XPOT: variants seen among roughly 807,000 people sequenced by gnomAD.
XPOT encodes exportin for tRNA.
A neutral mutation model predicts 128.2 loss-of-function variants in XPOT; 34 were observed. That is an observed-to-expected ratio of 0.27 (90% confidence interval 0.20 to 0.35). The LOEUF is 0.35. XPOT is among the 10% of genes least tolerant of loss of function. The pLI is 1.00. For synonymous variants in XPOT, 348 were observed against 394.3 expected, an observed-to-expected ratio of 0.88 and a Z score of 1.39; for missense variants, 838 against 1,125.3, an observed-to-expected ratio of 0.74 and a Z score of 3.65.
At chr12:64,447,002 C>T (rs185145242) in intron 24 of XPOT, among the ~76,000 whole-genome samples, 16 of 152,308 alleles carry the variant, frequency 1.1e-4, no homozygotes, top group Non-Finnish European at 1.8e-4. Flanking sequence ...GGGGAGGCTT[C>T]ACAATCATGT....
intron 24 of XPOT, among the ~76,000 whole-genome samples, chr12:64,445,788 G>A (rs1016030740): frequency 3.9e-5 from 6 of 152,204 alleles, no homozygotes; most frequent in African/African-American, 1.4e-4. Flanking sequence ...TAAAGTTACA[G>A]TGTGACAAGG....
intron 9 of XPOT, among the ~76,000 whole-genome samples, chr12:64,421,789 T>C (rs2040141727): frequency 6.6e-6 from 1 of 152,156 alleles, no homozygotes; most frequent in Non-Finnish European, 1.5e-5. Context: ...AATTTACATA[T>C]ACATCATTCA....
chr12:64,421,717 T>C (rs1300471370), intron 9 of XPOT, among the ~76,000 whole-genome samples: 2 of 152,072 alleles, frequency 1.3e-5, no homozygotes, highest in East Asian at 3.8e-4. Context: ...TTTTTTTTTA[T>C]TTTGAACCTG....
intron 1 of XPOT, among the ~76,000 whole-genome samples, chr12:64,406,149 C>T (rs567881307): frequency 6.6e-6 from 1 of 152,234 alleles, no homozygotes; most frequent in African/African-American, 2.4e-5. Context: ...GATCTCCGCT[C>T]ACTGCAACCT....
At chr12:64,439,222 G>T (rs371112779) in intron 22 of XPOT, 22 bp from the exon 23 acceptor site, 1 of 1,609,328 alleles carries the variant, frequency 6.2e-7, no homozygotes, top group Non-Finnish European at 8.5e-7. Flanking sequence ...GAAAATAGTT[G>T]TAAGTATCTT....
chr12:64,445,167 T>C, intron 24 of XPOT, 36 bp downstream of exon 24: 1 of 1,509,458 alleles, frequency 6.6e-7, no homozygotes, highest in Non-Finnish European at 9.1e-7. Context: ...CTTCATACAA[T>C]TAGGTAATGT....
chr12:64,432,264 T>C (rs559250973), intron 18 of XPOT, among the ~76,000 whole-genome samples: 1 of 152,040 alleles, frequency 6.6e-6, no homozygotes, highest in Non-Finnish European at 1.5e-5. Context: ...TTTTTTTAAA[T>C]GGAGATAGTC....
intron 4 of XPOT, among the ~76,000 whole-genome samples, chr12:64,417,529 C>CA (rs55993660): frequency 0.087 from 9,328 of 107,044 alleles, 913 homozygotes; most frequent in African/African-American, 0.27. Flanking sequence ...GACCTTGTCT[C>CA]AAAAAAAAAA....
rs576077338 is a variant in XPOT at position 64,423,060 on chromosome 12, T to C, written c.1119+17T>C. The C allele has an allele frequency of 3.4e-5, 55 of 1,612,708 alleles. No individual in the cohort carries two copies. In the African/African-American group the frequency reaches 7.3e-4, roughly 22 times the overall value. ...AATGTAGAGGTAATTGACTTTATGC[T>C]TCTTTTAAACCAATGATAGATTTTT... On this transcript the variant is annotated intron_variant, in intron 10 of 24. Coordinates refer to ENST00000332707, the MANE Select transcript of XPOT (RefSeq NM_007235.6).
intron 3 of XPOT, among the ~76,000 whole-genome samples, chr12:64,415,554 T>G (rs1267946771): frequency 6.6e-6 from 1 of 152,002 alleles, no homozygotes. Context: ...TTTTTGTATT[T>G]CTTTTTGGTG....
At chr12:64,410,532 G>C (rs867154291) in intron 2 of XPOT, among the ~76,000 whole-genome samples, 1 of 151,726 alleles carries the variant, frequency 6.6e-6, no homozygotes, top group Admixed American at 6.6e-5. Flanking sequence ...ATCTTGCCCA[G>C]GCTGGTCTCG....
chr12:64,426,091 A>G (rs1336855683), intron 15 of XPOT, among the ~76,000 whole-genome samples, 182 bp downstream of exon 15: 1 of 152,082 alleles, frequency 6.6e-6, no homozygotes, highest in Non-Finnish European at 1.5e-5. Context: ...GCCGATCACA[A>G]GGTCAGGAGT....
intron 24 of XPOT, among the ~76,000 whole-genome samples, chr12:64,447,689 A>C (rs1432027537): frequency 6.6e-6 from 1 of 152,216 alleles, no homozygotes; most frequent in African/African-American, 2.4e-5. Flanking sequence ...CATGTTGGTC[A>C]GGCTGATCTC....
At chr12:64,427,413 G>A (rs763498245) in intron 15 of XPOT, among the ~76,000 whole-genome samples, 4 of 151,964 alleles carry the variant, frequency 2.6e-5, no homozygotes, top group Non-Finnish European at 4.4e-5. Context: ...GAGCCACCGC[G>A]CCCAGCCCCC....
At chr12:64,419,852 T>G (rs910498817) in intron 6 of XPOT, among the ~76,000 whole-genome samples, 15 of 152,232 alleles carry the variant, frequency 9.9e-5, no homozygotes, top group Admixed American at 8.5e-4. Context: ...GTGCTTTTTA[T>G]AGTTTGTATT....
intron 15 of XPOT, among the ~76,000 whole-genome samples, 193 bp downstream of exon 15, chr12:64,426,102 T>C (rs890872726): frequency 6.6e-6 from 1 of 151,942 alleles, no homozygotes; most frequent in Non-Finnish European, 1.5e-5. Context: ...GGTCAGGAGT[T>C]GGAGACCAGC....
chr12:64,433,083 C>T lies in XPOT; in HGVS notation c.2263-331C>T, dbSNP rs116153671. The stretch of plus-strand genomic sequence containing the variant: ...GCCTCCTGAGTAGCTTGGACTGGGA[C>T]TACAGGCGTGCGCCACTACACCCAG... On this transcript the variant is annotated intron_variant, in intron 18 of 24. Transcript: ENST00000332707. Among the ~76,000 whole-genome samples the T allele has an allele frequency of 5.6e-3, 858 of 152,138 alleles. 10 individuals carry two copies. The highest frequency in any genetic ancestry group is 0.019 in the African/African-American group (783 of 41,504).
chr12:64,427,979 AG>A (rs2040206739), intron 15 of XPOT, 71 bp from the exon 16 acceptor site: 1 of 1,009,800 alleles, frequency 9.9e-7, no homozygotes, highest in Admixed American at 2.0e-5. Flanking sequence ...TCTGTCTTAA[AG>A]GGGGAATTTG....
intron 23 of XPOT, among the ~76,000 whole-genome samples, chr12:64,444,261 C>T (rs1272418523): frequency 1.3e-5 from 2 of 152,162 alleles, no homozygotes; most frequent in African/African-American, 4.8e-5. Flanking sequence ...GGCATGAATC[C>T]ACCTTGTCTA....
Sources: gnomAD v4.1 joint callset for allele counts (sites outside exome capture counted in the v4.1 genomes callset) on GRCh38, gnomAD v4.1.1 for gene constraint, MANE v1.5 for transcripts, NCBI Gene and HGNC (gene_info 2026-07-23, HGNC 2026-07-21) for gene names.